The following SWAP70 variants were observed in gnomAD, a reference collection of about 807,000 sequenced individuals.
The protein encoded by SWAP70 is switch-associated protein 70.
In SWAP70, 34 loss-of-function variants were observed where a neutral mutation model predicts 80.2. The ratio of observed to expected loss-of-function variants is 0.42; its 90% CI spans 0.32 to 0.56. The LOEUF (loss-of-function observed/expected upper bound fraction) is 0.56, where lower values mean the gene tolerates loss of function less well. Among genes scored for constraint, SWAP70 ranks in the 20% least tolerant of loss-of-function variants. The probability of loss-of-function intolerance (pLI) is 0.09; values close to 1 mark genes in which losing one functional copy is unlikely to be tolerated. For synonymous variants in SWAP70, 239 were observed against 238.5 expected, an observed-to-expected ratio of 1.00 and a Z score of -0.02; for missense variants, 578 against 690.7, an observed-to-expected ratio of 0.84 and a Z score of 1.83.
At chr11:9,668,994 G>A (rs185926434) in intron 1 of SWAP70, among the ~76,000 whole-genome samples, 10 of 152,282 alleles carry the variant, frequency 6.6e-5, no homozygotes, top group African/African-American at 2.4e-4. Flanking sequence ...TCCAGATAGA[G>A]ATTATATTAC....
At position 9,713,518 on chromosome 11, in the gene SWAP70, G is replaced by A. The variant is rs199642807; in HGVS notation, c.293G>A (p.Cys98Tyr). Residue 98 changes from cysteine to tyrosine, a missense_variant, in exon 3 of 12, where the codon TGT becomes TAT. By Grantham distance (194) the Cys-to-Tyr change is radical. Transcript: ENST00000318950. The stretch of plus-strand genomic sequence containing the variant: ...TTCAATAGGATGTGTTGGACCCTCT[G>A]TGTCAAAAAAAACCTCACAAAGAAT... ...IEFNRMCWTL[C>Y]VKKNLTKNPL... 6.2e-7 allele frequency: 1 copy of A among 1,613,942 alleles called. No homozygotes were observed. Among genetic ancestry groups the A allele is most frequent in the East Asian group, 2.2e-5 (1 of 44,840 alleles).
At chr11:9,684,164 C>T (rs1850602666) in intron 1 of SWAP70, among the ~76,000 whole-genome samples, 1 of 152,132 alleles carries the variant, frequency 6.6e-6, no homozygotes. Context: ...TCACTGCAAC[C>T]TTGAACTCCT....
intron 9 of SWAP70, among the ~76,000 whole-genome samples, chr11:9,747,461 C>T (rs746635424): frequency 1.6e-4 from 25 of 152,270 alleles, no homozygotes; most frequent in Non-Finnish European, 3.2e-4. Flanking sequence ...GGCCCTGCCA[C>T]CTGGCAGGTG....
At position 9,738,327 on chromosome 11, in the gene SWAP70, A is replaced by G; in HGVS notation, c.1188+7A>G. On this transcript the variant is annotated splice_region_variant and intron_variant, in intron 8 of 11. Transcript: ENST00000318950. ...GCTGGAAAGAGAGAAGCTTGTGAGT[A>G]TCACATGGCTGGAGAAAGCAGCTGC... is the stretch of plus-strand genomic sequence containing the variant. 6.3e-7 allele frequency: 1 copy of G among 1,579,098 alleles called. No individual in the cohort carries two copies. The highest frequency in any genetic ancestry group is 1.2e-5 in the South Asian group (1 of 85,970).
At chr11:9,690,965 A>G (rs1282950701) in intron 1 of SWAP70, among the ~76,000 whole-genome samples, 1 of 152,036 alleles carries the variant, frequency 6.6e-6, no homozygotes, top group Non-Finnish European at 1.5e-5. Flanking sequence ...GTGCAGTGGC[A>G]TGATCATGGC....
In SWAP70 at chr11:9,720,191, A is replaced by T. The variant is rs868677554; in HGVS notation, c.415-4467A>T. 3.0e-6 allele frequency: 3 copies of T among 985,348 alleles called. 1 individual carries two copies. The highest frequency in any genetic ancestry group is 5.2e-4 in the Middle Eastern group (1 of 1,914). The allele number at this position is 985,348 out of a possible 1,614,324, so 61.0% of individuals were successfully genotyped here. ...CAATATAATGAATCAAAAGGCCCTT[A>T]AGTTATTTGGTTATGATACGTATAT... On this transcript the variant is annotated intron_variant, in intron 3 of 11. Coordinates refer to ENST00000318950, the MANE Select transcript of SWAP70 (RefSeq NM_015055.4).
chr11:9,701,469 G>A (rs1850830600), intron 2 of SWAP70, among the ~76,000 whole-genome samples: 1 of 151,762 alleles, frequency 6.6e-6, no homozygotes, highest in African/African-American at 2.4e-5. Flanking sequence ...ACTGTGCCCG[G>A]CCCCAAATGT....
rs78855507 is a variant in SWAP70, at chr11:9,732,453, G to A, written c.899-76G>A. The A allele has an allele frequency of 2.9e-3, 4,118 of 1,398,890 alleles. 100 individuals are homozygous for A. In the African/African-American group the frequency reaches 0.05, roughly 17 times the overall value. The allele number at this position is 1,398,890 out of a possible 1,614,324, so 86.7% of individuals were successfully genotyped here. A position where few individuals can be genotyped will look rare whatever the true frequency, so the allele number is the denominator to read the frequency against. On this transcript the variant is annotated intron_variant, in intron 6 of 11. Transcript: ENST00000318950. ...CTCCCTGTCTCATTTTCTTCCCACTGTGCCATTTGCATAGTAGGCTTACAA... is the reference window on the plus strand; with the variant it reads ...CTCCCTGTCTCATTTTCTTCCCACTATGCCATTTGCATAGTAGGCTTACAA...
At chr11:9,670,094 C>T (rs1160558093) in intron 1 of SWAP70, among the ~76,000 whole-genome samples, 9 of 152,118 alleles carry the variant, frequency 5.9e-5, no homozygotes, top group Non-Finnish European at 1.3e-4. Context: ...ACCCTGTACT[C>T]CAGCTGGGGC....
At chr11:9,677,906 T>C (rs2134429416) in intron 1 of SWAP70, among the ~76,000 whole-genome samples, 1 of 152,340 alleles carries the variant, frequency 6.6e-6, no homozygotes, top group Non-Finnish European at 1.5e-5. Context: ...TTTTTTTATC[T>C]TTTGCCTCAC....
chr11:9,707,386 C>T (rs1850928880), intron 2 of SWAP70, among the ~76,000 whole-genome samples: 1 of 151,298 alleles, frequency 6.6e-6, no homozygotes, highest in African/African-American at 2.4e-5. Flanking sequence ...CTTTAGATAC[C>T]TTCTATTATA....
chr11:9,664,668 C>T (rs923884348), intron 1 of SWAP70, among the ~76,000 whole-genome samples: 7 of 152,196 alleles, frequency 4.6e-5, no homozygotes, highest in Non-Finnish European at 7.3e-5. Flanking sequence ...TCCTCTTACT[C>T]CAGGAGAGGA....
intron 2 of SWAP70, among the ~76,000 whole-genome samples, chr11:9,710,603 T>A (rs1281938889): frequency 1.3e-5 from 2 of 152,142 alleles, no homozygotes; most frequent in African/African-American, 4.8e-5. Flanking sequence ...GATGTTATTC[T>A]GCTGCCCATG....
chr11:9,720,712 T>C (rs1156316964), intron 3 of SWAP70, among the ~76,000 whole-genome samples: 1 of 152,192 alleles, frequency 6.6e-6, no homozygotes, highest in African/African-American at 2.4e-5. Flanking sequence ...GGAGATTGAA[T>C]TTCTGTACCT....
chr11:9,707,511 G>T (rs1260228151), intron 2 of SWAP70, among the ~76,000 whole-genome samples: 1 of 150,066 alleles, frequency 6.7e-6, no homozygotes, highest in African/African-American at 2.4e-5. Context: ...TTTTAAGGCT[G>T]AATAATACTT....
At chr11:9,671,782 AT>A (rs1850410195) in intron 1 of SWAP70, among the ~76,000 whole-genome samples, 1 of 11,720 alleles carries the variant, frequency 8.5e-5, no homozygotes, top group Non-Finnish European at 7.2e-4. Context: ...AATATAATAT[AT>A]TATTATTTAT....
intron 3 of SWAP70, among the ~76,000 whole-genome samples, chr11:9,723,843 G>A (rs1851172391): frequency 6.9e-6 from 1 of 144,718 alleles, no homozygotes; most frequent in Admixed American, 7.2e-5. Flanking sequence ...CACAATCGCC[G>A]CTCACTGCAA....
intron 3 of SWAP70, among the ~76,000 whole-genome samples, chr11:9,722,325 G>A (rs142060576): frequency 5.9e-5 from 9 of 152,312 alleles, no homozygotes; most frequent in African/African-American, 2.2e-4. Context: ...AGTGGGACAT[G>A]GTTCCTCCTA....
At chr11:9,669,166 G>C (rs1850344118) in intron 1 of SWAP70, among the ~76,000 whole-genome samples, 1 of 152,182 alleles carries the variant, frequency 6.6e-6, no homozygotes, top group Non-Finnish European at 1.5e-5. Context: ...TATGAAAAAA[G>C]CTTCTTTGAA....
Sources: gnomAD v4.1 joint callset for allele counts (sites outside exome capture counted in the v4.1 genomes callset) on GRCh38, gnomAD v4.1.1 for gene constraint, MANE v1.5 for transcripts, NCBI Gene and HGNC (gene_info 2026-07-23, HGNC 2026-07-21) for gene names.